Variants in PPP2R5C observed in about 807,000 individuals in gnomAD.
PPP2R5C encodes serine/threonine-protein phosphatase 2A 56 kDa regulatory subunit gamma isoform.
Under a neutral mutation model 68.9 loss-of-function variants are expected in PPP2R5C, and 7 were observed. The observed-to-expected ratio is 0.10, with a 90% confidence interval of 0.06 to 0.19. The LOEUF is 0.19. Among genes scored for constraint, PPP2R5C ranks in the 10% least tolerant of loss-of-function variants. The pLI is 1.00. For missense variants in PPP2R5C, 348 were observed against 641.3 expected, an observed-to-expected ratio of 0.54 and a Z score of 4.94; for synonymous variants, 210 against 222.2, an observed-to-expected ratio of 0.95 and a Z score of 0.49.
At chr14:101,786,072 A>G in exon 3 of PPP2R5C, 4 of 1,556,200 alleles carry the variant, frequency 2.6e-6, no homozygotes, top group Non-Finnish European at 1.7e-6. Flanking sequence ...AGTATCTGCT[A>G]AAATAAAAGT....
chr14:101,768,278 AT>A (rs1276816880), intron 2 of PPP2R5C, among the ~76,000 whole-genome samples: 3 of 152,202 alleles, frequency 2.0e-5, no homozygotes, highest in Non-Finnish European at 2.9e-5. Context: ...CCTGGCACAT[AT>A]TCATCTGAGC....
At chr14:101,778,536 C>G (rs1053816669) in intron 2 of PPP2R5C, among the ~76,000 whole-genome samples, 10 of 152,164 alleles carry the variant, frequency 6.6e-5, no homozygotes, top group African/African-American at 2.4e-4. Context: ...GTGGTTTCAG[C>G]TCTTCTGTTT....
intron 2 of PPP2R5C, among the ~76,000 whole-genome samples, chr14:101,857,468 G>A (rs1214140481): frequency 6.6e-6 from 1 of 152,214 alleles, no homozygotes; most frequent in Non-Finnish European, 1.5e-5. Context: ...TGGCTGAGAA[G>A]GCCTTCCTCT....
At chr14:101,762,263 C>CA (rs1328805444) in intron 1 of PPP2R5C, among the ~76,000 whole-genome samples, 1 of 152,000 alleles carries the variant, frequency 6.6e-6, no homozygotes, top group East Asian at 1.9e-4. Flanking sequence ...CTTGGGCGGG[C>CA]AGGTGCGGCC....
chr14:101,903,925 C>T (rs982815055), intron 9 of PPP2R5C, among the ~76,000 whole-genome samples: 1 of 152,114 alleles, frequency 6.6e-6, no homozygotes, highest in Non-Finnish European at 1.5e-5. Flanking sequence ...CCGCCCACCT[C>T]GGCCTCCCAA....
chr14:101,924,997 G>A lies in PPP2R5C; in HGVS notation c.1444-144G>A. ...GGCAAATTTCCATGATAAGACCTAC[G>A]CCGTTTCCCTGTGGCCAGGGTGCCG... On this transcript the variant is annotated intron_variant, in intron 13 of 13. Transcript: ENST00000334743. 5.6e-6 allele frequency: 5 copies of A among 896,818 alleles called. No homozygotes were observed. The South Asian group carries it at 6.5e-5, about 12-fold the overall frequency. 55.6% of individuals were successfully genotyped at this position (896,818 alleles called of 1,614,324 possible).
Position 101,882,125 on chromosome 14 carries a change from TGCC to T in PPP2R5C, c.295-35_295-33del. On this transcript the variant is annotated intron_variant, in intron 2 of 13. Coordinates refer to ENST00000334743, the Ensembl canonical transcript of PPP2R5C. This position sits in a 1 kb window ranked among gnomAD's most constrained non-coding sequence, Gnocchi z 4.9. ...AAATGTTGTCTGTAAATATTTTAAA[TGCC>T]CTGATTGTAATTATAGAATATGTGG... 2 of 1,469,764 alleles carry T rather than the reference TGCC, an allele frequency of 1.4e-6. No individual in the cohort carries two copies. Among genetic ancestry groups the T allele is most frequent in the Non-Finnish European group, 9.3e-7 (1 of 1,079,298 alleles). The allele number at this position is 1,469,764 out of a possible 1,614,324, so 91.0% of individuals were successfully genotyped here.
At chr14:101,833,900 C>A (rs1298084228) in intron 1 of PPP2R5C, among the ~76,000 whole-genome samples, 1 of 152,184 alleles carries the variant, frequency 6.6e-6, no homozygotes, top group African/African-American at 2.4e-5. Context: ...CTCCAGGGTT[C>A]AAGTGATTCT....
chr14:101,901,586 C>A, intron 8 of PPP2R5C, 133 bp from the exon 11 acceptor site: 1 of 837,748 alleles, frequency 1.2e-6, no homozygotes, highest in Non-Finnish European at 1.9e-6. Context: ...ACTGTTCCCT[C>A]TGTAAGGAAG....
At chr14:101,784,320 G>T (rs945052454) in intron 2 of PPP2R5C, among the ~76,000 whole-genome samples, 11 of 152,142 alleles carry the variant, frequency 7.2e-5, no homozygotes, top group Non-Finnish European at 1.5e-5. Context: ...TCTCCAGGAT[G>T]GAGTCTATAT....
At chr14:101,902,006 G>C in intron 9 of PPP2R5C, 117 bp downstream of exon 11, 2 of 1,144,856 alleles carry the variant, frequency 1.7e-6, no homozygotes, top group Non-Finnish European at 2.5e-6. Flanking sequence ...TAAAATCCAA[G>C]TTTTTACTTG....
intron 2 of PPP2R5C, among the ~76,000 whole-genome samples, chr14:101,880,524 G>A (rs1002406790): frequency 5.3e-5 from 8 of 152,334 alleles, no homozygotes; most frequent in East Asian, 1.9e-4. Flanking sequence ...AGGCAGGTGC[G>A]GTGGCTCACG....
Position 101,858,807 on chromosome 14 carries a change from C to T in PPP2R5C, c.294+1922C>T, listed in dbSNP as rs138990582. On this transcript the variant is annotated intron_variant, in intron 2 of 13. Transcript: ENST00000334743. The stretch of plus-strand genomic sequence containing the variant: ...GAAGAATCTACAAAGAATGACAAGA[C>T]TCCCGCTGGCCTGGTTCAGGTCAAA... Among the ~76,000 whole-genome samples the T allele has an allele frequency of 8.5e-5, 13 of 152,314 alleles. No individual in the cohort carries two copies. The East Asian group carries it at 2.5e-3, about 29-fold the overall frequency.
Position 101,902,033 on chromosome 14 carries a change from C to T in PPP2R5C, c.1023+144C>T, listed in dbSNP as rs1366938482. 1.4e-5 allele frequency: 12 copies of T among 867,326 alleles called. No individual in the cohort carries two copies. The East Asian group carries it at 2.4e-4, about 17-fold the overall frequency. 53.7% of individuals were successfully genotyped at this position (867,326 alleles called of 1,614,324 possible). On this transcript the variant is annotated intron_variant, in intron 9 of 13. Transcript: ENST00000334743. ...TTTTACTTGAATTATACTTCAAATA[C>T]GATGCTGTAACTTGAATTCTATAGA...
At chr14:101,838,807 G>A (rs1364489930) in intron 1 of PPP2R5C, among the ~76,000 whole-genome samples, 1 of 152,194 alleles carries the variant, frequency 6.6e-6, no homozygotes, top group Non-Finnish European at 1.5e-5. Flanking sequence ...ACTCTGGGAG[G>A]CCAAGGCAGG....
At chr14:101,824,109 C>T (rs993202395) in intron 1 of PPP2R5C, 7 of 1,288,954 alleles carry the variant, frequency 5.4e-6, no homozygotes, top group Non-Finnish European at 7.1e-6. Context: ...GGAGCTCGCA[C>T]ATCCCGAGAG....
chr14:101,878,136 C>T (rs2043907267), intron 2 of PPP2R5C, among the ~76,000 whole-genome samples: 1 of 152,232 alleles, frequency 6.6e-6, no homozygotes, highest in Non-Finnish European at 1.5e-5. Flanking sequence ...GAGTGTGAGC[C>T]TTCTACCATC....
exon 14 of PPP2R5C, chr14:101,925,146 G>A (rs1477268983): frequency 1.2e-6 from 2 of 1,613,960 alleles, no homozygotes; most frequent in African/African-American, 2.7e-5. Flanking sequence ...TCCAGGCACA[G>A]AAAGATCCGA....
In PPP2R5C at chr14:101,796,072, C is replaced by T. The variant is rs368805698; in HGVS notation, c.259+9889C>T. ...TCCTGGGCTCAAGTGATCCACCCAC[C>T]TCCGCCTCCCAAAGTGCTAGGATTA... On this transcript the variant is annotated intron_variant, in intron 3 of 14. Transcript: ENST00000328724. Among the ~76,000 whole-genome samples the T allele has an allele frequency of 2.0e-5, 3 of 152,300 alleles. No homozygotes were observed. The East Asian group carries it at 5.8e-4, about 29-fold the overall frequency.
Sources: allele counts gnomAD v4.1 joint callset (sites outside exome capture counted in the v4.1 genomes callset), GRCh38; gene constraint gnomAD v4.1.1; non-coding constraint Gnocchi (gnomAD v3.1); transcripts MANE v1.5; gene names NCBI Gene and HGNC (gene_info 2026-07-23, HGNC 2026-07-21).